ERBB4: variants seen among roughly 807,000 people sequenced by gnomAD.
ERBB4 encodes the protein erb-b2 receptor tyrosine kinase 4.
Under a neutral mutation model 158.0 loss-of-function variants are expected in ERBB4, and 42 were observed. The ratio of observed to expected loss-of-function variants is 0.27; its 90% confidence interval spans 0.21 to 0.34. The LOEUF is 0.34. Among genes scored for constraint, ERBB4 ranks in the 10% least tolerant of loss-of-function variants. ERBB4 has a pLI of 1.00. For missense variants in ERBB4, 1,333 were observed against 1,624.1 expected (o/e 0.82, Z 3.08); for synonymous variants, 583 against 558.7 (o/e 1.04, Z -0.61).
intron 2 of ERBB4, among the ~76,000 whole-genome samples, chr2:212,076,460 G>A (rs753154829): frequency 1.1e-4 from 17 of 151,760 alleles, no homozygotes; most frequent in East Asian, 3.9e-4. Flanking sequence ...ATAACTAAAC[G>A]AGGCTACACA....
At position 212,142,221 on chromosome 2, in the gene ERBB4, C is replaced by T. The variant is rs537305089; in HGVS notation, c.83-17318G>A. Reference sequence around the variant, plus strand: ...TATATTTTTTATCACTTATCACCAGCTGCCATATTATATCTTCATTTACCA... The same window carrying T: ...TATATTTTTTATCACTTATCACCAGTTGCCATATTATATCTTCATTTACCA... On this transcript the variant is annotated intron_variant, in intron 1 of 27. Transcript: ENST00000342788. 2.0e-5 allele frequency among the ~76,000 whole-genome samples: 3 copies of T among 152,230 alleles called. No homozygotes were observed. The South Asian group carries it at 6.2e-4, about 32-fold the overall frequency.
intron 1 of ERBB4, among the ~76,000 whole-genome samples, chr2:212,473,214 A>G (rs1689202727): frequency 6.6e-6 from 1 of 152,040 alleles, no homozygotes; most frequent in Non-Finnish European, 1.5e-5. Flanking sequence ...TGTAGTTAAA[A>G]TCATTTCATC....
At chr2:211,526,119 A>G (rs953422174) in intron 20 of ERBB4, among the ~76,000 whole-genome samples, 2 of 152,046 alleles carry the variant, frequency 1.3e-5, no homozygotes, top group East Asian at 1.9e-4. Context: ...TAACAAGGTA[A>G]TAGTTTCAGT....
chr2:211,967,059 T>C (rs921003206), intron 2 of ERBB4, among the ~76,000 whole-genome samples: 1 of 152,290 alleles, frequency 6.6e-6, no homozygotes, highest in South Asian at 2.1e-4. Flanking sequence ...TTTATAATCC[T>C]GAACCTCTTA....
At chr2:212,059,226 A>G (rs969227815) in intron 2 of ERBB4, among the ~76,000 whole-genome samples, 53 of 152,300 alleles carry the variant, frequency 3.5e-4, no homozygotes, top group Non-Finnish European at 3.4e-4. Context: ...TAGGAATCCA[A>G]CTTACAAGGG....
intron 2 of ERBB4, among the ~76,000 whole-genome samples, chr2:212,077,199 C>T (rs577125820): frequency 4.1e-4 from 63 of 152,038 alleles, no homozygotes; most frequent in African/African-American, 1.4e-3. Context: ...GTATTAATAA[C>T]ACAACTGTGG....
chr2:211,684,546 A>G (rs2072486439), intron 12 of ERBB4, among the ~76,000 whole-genome samples: 1 of 152,206 alleles, frequency 6.6e-6, no homozygotes, highest in Non-Finnish European at 1.5e-5. Context: ...GTAGCTTTCT[A>G]TTGGACCTGC....
chr2:212,122,225 T>C (rs2079777168), intron 2 of ERBB4, among the ~76,000 whole-genome samples: 1 of 151,954 alleles, frequency 6.6e-6, no homozygotes, highest in African/African-American at 2.4e-5. Context: ...ATATCTGTCA[T>C]CCTCAACATG....
At chr2:212,050,183 C>T (rs1165221099) in intron 2 of ERBB4, among the ~76,000 whole-genome samples, 2 of 151,910 alleles carry the variant, frequency 1.3e-5, no homozygotes, top group Non-Finnish European at 1.5e-5. Context: ...ACTCTCTGGA[C>T]CAAACAGGGT....
intron 20 of ERBB4, among the ~76,000 whole-genome samples, chr2:211,503,373 T>C (rs977190233): frequency 2.0e-5 from 3 of 152,096 alleles, no homozygotes; most frequent in African/African-American, 7.2e-5. Flanking sequence ...CCACCAGCAC[T>C]GTTTGGGAAC....
chr2:211,937,326 T>A (rs889552010), intron 3 of ERBB4, among the ~76,000 whole-genome samples: 19 of 152,212 alleles, frequency 1.2e-4, no homozygotes, highest in East Asian at 3.9e-4. Flanking sequence ...ATAATTTTTT[T>A]AAAAAAACTT....
Position 211,414,852 on chromosome 2 carries a change from G to A in ERBB4, c.3135+5589C>T, listed in dbSNP as rs577472840. On this transcript the variant is annotated intron_variant, in intron 25 of 27. Coordinates refer to ENST00000342788, the MANE Select transcript of ERBB4 (RefSeq NM_005235.3). ...CTTTTTCTTATCATTTGTAAGTTAC[G>A]TAAACTGTCCATAGCTCAATTATTT... is the stretch of plus-strand genomic sequence containing the variant. Among the ~76,000 whole-genome samples the A allele has an allele frequency of 1.2e-4, 18 of 152,056 alleles. 1 individual carries two copies. The East Asian group carries it at 1.6e-3, about 13-fold the overall frequency.
chr2:211,574,260 A>G (rs2067826419), intron 19 of ERBB4, among the ~76,000 whole-genome samples: 1 of 152,194 alleles, frequency 6.6e-6, no homozygotes, highest in Non-Finnish European at 1.5e-5. Context: ...TTTATCAGCT[A>G]TTCTTTTCCT....
At chr2:212,471,667 A>G (rs78197220) in intron 1 of ERBB4, among the ~76,000 whole-genome samples, 1,554 of 152,034 alleles carry the variant, frequency 0.01, 30 homozygotes, top group African/African-American at 0.035. Context: ...TCTAAAAATA[A>G]TCTATTCCTT....
chr2:212,343,968 A>G (rs1384101785), intron 1 of ERBB4, among the ~76,000 whole-genome samples: 1 of 152,182 alleles, frequency 6.6e-6, no homozygotes, highest in Non-Finnish European at 1.5e-5. Context: ...CCATTTGTAT[A>G]TAATTGCTTT....
chr2:212,255,984 C>G (rs938925665), intron 1 of ERBB4, among the ~76,000 whole-genome samples: 3 of 140,440 alleles, frequency 2.1e-5, no homozygotes, highest in African/African-American at 7.8e-5. Context: ...CCATTCCTGG[C>G]TAAGTTTTAT....
At chr2:211,587,255 C>A (rs747479861) in intron 19 of ERBB4, among the ~76,000 whole-genome samples, 3 of 151,780 alleles carry the variant, frequency 2.0e-5, no homozygotes, top group Non-Finnish European at 4.4e-5. Context: ...ACTTGGGAGG[C>A]TGAGGCAAAG....
chr2:211,501,317 G>A (rs896239155), intron 20 of ERBB4, among the ~76,000 whole-genome samples: 1 of 151,564 alleles, frequency 6.6e-6, no homozygotes, highest in Admixed American at 6.6e-5. Flanking sequence ...ATAATTTATT[G>A]TATATTTCAA....
At chr2:212,123,217 C>G (rs769899418) in intron 2 of ERBB4, among the ~76,000 whole-genome samples, 1 of 152,112 alleles carries the variant, frequency 6.6e-6, no homozygotes, top group Non-Finnish European at 1.5e-5. Flanking sequence ...TCCTGGCTAA[C>G]ACAGTGAAAC....
Sources: allele counts gnomAD v4.1 joint callset (sites outside exome capture counted in the v4.1 genomes callset), GRCh38; gene constraint gnomAD v4.1.1; transcripts MANE v1.5; gene names NCBI Gene and HGNC (gene_info 2026-07-23, HGNC 2026-07-21).